The following CEP152 variants were observed in gnomAD, a reference collection of about 807,000 sequenced individuals.
The protein encoded by CEP152 is centrosomal protein 152.
CEP152 carries 132 observed loss-of-function variants against 188.9 expected under a neutral mutation model. The ratio of observed to expected loss-of-function variants is 0.70; its 90% CI spans 0.61 to 0.81. The LOEUF is 0.81. Ranked by LOEUF, CEP152 falls within the 30% of genes least tolerant of loss-of-function variation. The probability of loss-of-function intolerance (pLI) is 0.00; values close to 1 mark genes in which losing one functional copy is unlikely to be tolerated. For missense variants in CEP152, 1,914 were observed against 1,969.8 expected (o/e 0.97, Z 0.54); for synonymous variants, 649 against 666.6 (o/e 0.97, Z 0.41).
In CEP152 at chr15:48,741,675, C is replaced by A. The variant is rs773204372; in HGVS notation, c.4019G>T (p.Ser1340Ile). The A allele has an allele frequency of 4.3e-6, 7 of 1,614,092 alleles. No homozygotes were observed. Among genetic ancestry groups the A allele is most frequent in the Non-Finnish European group, 5.9e-6 (7 of 1,180,018 alleles). ...TAATTTTGCCATTGTAGCAAGTTTG[C>A]TAGCAGCATTCATAATCTTTTTCTC... ...GAEKKIMNAA[S>I]KLATMAKLLE... The change falls in exon 26 of 27, where the codon AGC becomes ATC. Residue 1340 changes from serine to isoleucine, a missense_variant. Physicochemically the swap from Ser to Ile is moderately radical, Grantham distance 142. Transcript: ENST00000380950.
downstream of CEP152, among the ~76,000 whole-genome samples, chr15:48,733,202 G>A (rs559866546): frequency 1.3e-4 from 20 of 152,276 alleles, no homozygotes; most frequent in Non-Finnish European, 2.4e-4. Context: ...ATTGCTGGAG[G>A]AATTGGCAGG....
intron 12 of CEP152, among the ~76,000 whole-genome samples, chr15:48,773,733 C>T (rs973413635): frequency 6.6e-6 from 1 of 152,200 alleles, no homozygotes; most frequent in Admixed American, 6.5e-5. Context: ...AAAGCCTTTT[C>T]TAAACCTGAT....
At chr15:48,809,476 T>C (rs1595713859) in intron 1 of CEP152, among the ~76,000 whole-genome samples, 1 of 152,156 alleles carries the variant, frequency 6.6e-6, no homozygotes, top group Non-Finnish European at 1.5e-5. Context: ...GAAGAAAGGA[T>C]AGTTTAGAGA....
At chr15:48,798,887 G>A (rs1206793588) in intron 2 of CEP152, among the ~76,000 whole-genome samples, 1 of 151,284 alleles carries the variant, frequency 6.6e-6, no homozygotes, top group Non-Finnish European at 1.5e-5. Context: ...TTCAATAACT[G>A]TCTGCTATTG....
chr15:48,767,391 A>G lies in CEP152; in HGVS notation c.2091T>C (p.His697=). The change falls in exon 16 of 27, where the codon CAT becomes CAC. Residue 697 remains histidine, a synonymous_variant. Coordinates refer to ENST00000380950, the MANE Select transcript of CEP152 (RefSeq NM_001194998.2). ...CAAAGAGCTGCTGCTTCTCCAAAGC[A>G]TGCTTTGCTAATAGGCTTTCACGTA... ...TQIRESLLAK[H]ALEKQQLFEA... 1.2e-6 allele frequency: 2 copies of G among 1,614,204 alleles called. No homozygotes were observed. The highest frequency in any genetic ancestry group is 2.2e-5 in the South Asian group (2 of 91,080).
rs750725606 is a variant in CEP152 at position 48,760,242 on chromosome 15, G to A, written c.2587C>T (p.His863Tyr). Residue 863 changes from histidine to tyrosine, a missense_variant, in exon 19 of 27, where the codon CAT becomes TAT. Coordinates refer to ENST00000380950, the MANE Select transcript of CEP152 (RefSeq NM_001194998.2). Reference sequence around the variant, plus strand: ...GGTAGTTCTCCCAGCCATCGCTGATGAGCATTTTGCACAGCTATTTCTACC... The same window carrying A: ...GGTAGTTCTCCCAGCCATCGCTGATAAGCATTTTGCACAGCTATTTCTACC... Reference protein sequence around the residue: ...KQVEIAVQNAHQRWLGELPEL... With the variant: ...KQVEIAVQNAYQRWLGELPEL... 6.8e-6 allele frequency: 11 copies of A among 1,614,034 alleles called. No individual in the cohort carries two copies. Among genetic ancestry groups the A allele is most frequent in the Admixed American group, 6.7e-5 (4 of 60,020 alleles).
intron 12 of CEP152, 37 bp from the exon 13 acceptor site, chr15:48,772,728 G>A (rs1692338530): frequency 1.3e-6 from 2 of 1,556,738 alleles, no homozygotes; most frequent in East Asian, 2.2e-5. Context: ...ATTAAATCAA[G>A]TAATAAATCA....
intron 2 of CEP152, among the ~76,000 whole-genome samples, chr15:48,732,126 G>A (rs777282021): frequency 1.3e-5 from 2 of 152,192 alleles, no homozygotes; most frequent in African/African-American, 2.4e-5. Context: ...ACAGTATGGC[G>A]ATTCCTCAAG....
chr15:48,738,931 T>C lies in CEP152; in HGVS notation c.4451A>G (p.Asp1484Gly). Reference protein sequence around the residue: ...GLHKKKDLLSDNGSESLPHSA... With the variant: ...GLHKKKDLLSGNGSESLPHSA... ...ATGCGGAAGTGATTCAGAACCATTA[T>C]CACTGAGTAGGTCTTTCTTCTTGTG... The change falls in exon 27 of 27, where the codon GAT (aspartate) becomes GGT (glycine). Residue 1484 changes from aspartate (D) to glycine (G), a missense_variant. By Grantham distance (94) the Asp-to-Gly change is moderately conservative (BLOSUM62 -1). Coordinates refer to ENST00000380950, the MANE Select transcript of CEP152 (RefSeq NM_001194998.2). 6.2e-7 allele frequency: 1 copy of C among 1,614,162 alleles called. No homozygotes were observed. Among genetic ancestry groups the C allele is most frequent in the Non-Finnish European group, 8.5e-7 (1 of 1,180,002 alleles).
At chr15:48,741,870 T>C (rs896800654) in intron 25 of CEP152, 77 bp downstream of exon 25, 8 of 1,612,754 alleles carry the variant, frequency 5.0e-6, no homozygotes, top group Non-Finnish European at 6.8e-6. Flanking sequence ...GTTAATTTAG[T>C]GGTTAAGGAA....
rs1892757878 is a variant in CEP152 at position 48,738,887 on chromosome 15, GA to G, written c.4494del (p.Gly1500GlufsTer3). 1 of 1,614,226 alleles carries G rather than the reference GA, an allele frequency of 6.2e-7. No individual in the cohort carries two copies. Among genetic ancestry groups the G allele is most frequent in the African/African-American group, 1.3e-5 (1 of 75,056 alleles). ...ESLPHSAAYP[F>X]LGTLGNKPSP... is the part of the protein sequence containing the mutation. Reference sequence around the variant, plus strand: ...GAGGGTTTATTTCCTAAGGTTCCAAGAAAGGGGTATGCAGCTGAATGCGGAA... The same window carrying G: ...GAGGGTTTATTTCCTAAGGTTCCAAGAAGGGGTATGCAGCTGAATGCGGAA... On this transcript the variant is annotated frameshift_variant, in exon 27 of 27. Coordinates refer to ENST00000380950, the MANE Select transcript of CEP152 (RefSeq NM_001194998.2). LOFTEE classifies it low-confidence loss of function (END_TRUNC).
rs775478929 is a variant in CEP152, at chr15:48,738,425, T to C, written c.4957A>G (p.Ser1653Gly). ...ETTYLEPGKI[S>G]VNCGHPSRHK... ...CGAGATGGGTGTCCACAATTCACAC[T>C]GATCTTTCCTGGCTCCAAATACGTG... The change falls in exon 27 of 27, where the codon AGT (serine) becomes GGT (glycine). Residue 1653 changes from serine (S) to glycine (G), a missense_variant. By Grantham distance (56) the Ser-to-Gly change is moderately conservative. Transcript: ENST00000380950. 6.2e-7 allele frequency: 1 copy of C among 1,614,220 alleles called. No homozygotes were observed. Among genetic ancestry groups the C allele is most frequent in the Non-Finnish European group, 8.5e-7 (1 of 1,180,024 alleles).
rs1186928426 is a variant in CEP152, at chr15:48,797,666, C to T, written c.256G>A (p.Val86Ile). Residue 86 changes from valine to isoleucine, a missense_variant, in exon 4 of 27, where the codon GTA becomes ATA. Physicochemically the swap from Val to Ile is conservative, Grantham distance 29. Coordinates refer to ENST00000380950, the MANE Select transcript of CEP152 (RefSeq NM_001194998.2). ...NEQMLPKSQS[V>I]NGYNEIQSLY... is the part of the protein sequence containing the mutation. The stretch of plus-strand genomic sequence containing the variant: ...TCATCACACCAGATACTTACATTTA[C>T]ACTTTGAGATTTGGGCAGCATTTGC... 2.5e-6 allele frequency: 4 copies of T among 1,614,156 alleles called. No homozygotes were observed. The East Asian group carries it at 6.7e-5, about 27-fold the overall frequency.
At chr15:48,797,752 C>T (rs780609700) in intron 3 of CEP152, 22 bp from the exon 4 acceptor site, 17 of 1,610,852 alleles carry the variant, frequency 1.1e-5, no homozygotes, top group Middle Eastern at 1.6e-4. Flanking sequence ...GGAATACTTT[C>T]GATTTAAAGC....
Position 48,762,407 on chromosome 15 carries a change from T to C in CEP152, c.2546A>G (p.Glu849Gly). Residue 849 changes from glutamate to glycine, a missense_variant, in exon 18 of 27, where the codon GAA (glutamate) becomes GGA (glycine). Transcript: ENST00000380950. ...GCCTTTTACCTGTTTGGTAATATTT[T>C]CACAATGTTTGAGTTCCAATTCAAT... ...LEIELELKHCENITKQVEIAV... is the reference protein window; with the variant it reads ...LEIELELKHCGNITKQVEIAV... 1 of 1,614,070 alleles carries C rather than the reference T, an allele frequency of 6.2e-7. No homozygotes were observed. The highest frequency in any genetic ancestry group is 8.5e-7 in the Non-Finnish European group (1 of 1,179,942).
chr15:48,793,338 T>C lies in CEP152; in HGVS notation c.815A>G (p.Gln272Arg). The change falls in exon 7 of 27, where the codon CAG (glutamine) becomes CGG (arginine). Residue 272 changes from glutamine (Q) to arginine (R), a missense_variant. By Grantham distance (43) the Gln-to-Arg change is conservative (BLOSUM62 1). Transcript: ENST00000380950. ...CATCTTACCTTTTATTATTACAAGC[T>C]GGTGATTCAGATATCGAATTTGACG... ...SERQIRYLNH[Q>R]LVIIKDEKDG... 1 of 1,614,006 alleles carries C rather than the reference T, an allele frequency of 6.2e-7. No homozygotes were observed. Among genetic ancestry groups the C allele is most frequent in the Non-Finnish European group, 8.5e-7 (1 of 1,179,960 alleles).
intron 4 of CEP152, 33 bp downstream of exon 4, chr15:48,797,628 C>G (rs1377192060): frequency 1.2e-6 from 2 of 1,613,932 alleles, no homozygotes; most frequent in Non-Finnish European, 1.7e-6. Flanking sequence ...CAGTCCCACC[C>G]TCACCAAAGT....
intron 5 of CEP152, among the ~76,000 whole-genome samples, chr15:48,796,851 T>C (rs559350494): frequency 1.8e-4 from 27 of 152,292 alleles, no homozygotes; most frequent in African/African-American, 6.5e-4. Flanking sequence ...ACAATAGAGA[T>C]ATCAGCTTTG....
At chr15:48,753,426 T>C (rs1198307268) in intron 20 of CEP152, among the ~76,000 whole-genome samples, 1 of 152,234 alleles carries the variant, frequency 6.6e-6, no homozygotes, top group East Asian at 1.9e-4. Context: ...TTACTGATTA[T>C]TTAAAACATA....
Sources: gnomAD v4.1 joint callset for allele counts (sites outside exome capture counted in the v4.1 genomes callset) on GRCh38, gnomAD v4.1.1 for gene constraint, MANE v1.5 for transcripts, NCBI Gene and HGNC (gene_info 2026-07-23, HGNC 2026-07-21) for gene names.